Variants in GLT8D2 observed in about 807,000 individuals in gnomAD.
GLT8D2 encodes glycosyltransferase 8 domain-containing protein 2.
Under a neutral mutation model 44.5 loss-of-function variants are expected in GLT8D2, and 45 were observed. That is an observed-to-expected ratio of 1.01 (90% confidence interval 0.80 to 1.30). The LOEUF is 1.30. Among genes scored for constraint, GLT8D2 ranks in the 50% most tolerant of loss-of-function variants. The pLI is 0.00. For synonymous variants in GLT8D2, 156 were observed against 157.2 expected, an observed-to-expected ratio of 0.99 and a Z score of 0.06; for missense variants, 400 against 430.4, an observed-to-expected ratio of 0.93 and a Z score of 0.62.
In GLT8D2 at chr12:104,040,405, A is replaced by T. The variant is rs1593567289; in HGVS notation, c.-164+9490T>A. ...ATTAACTATACATCTCTTTGAAATA[A>T]AAAACAACAAATTGAAAAAAAAATG... is the stretch of plus-strand genomic sequence containing the variant. On this transcript the variant is annotated intron_variant, in intron 1 of 10. Transcript: ENST00000360814. 2.0e-5 allele frequency among the ~76,000 whole-genome samples: 3 copies of T among 152,314 alleles called. No individual in the cohort carries two copies. In the South Asian group the frequency reaches 6.2e-4, roughly 32 times the overall value.
chr12:104,007,062 A>G (rs1013409582), intron 4 of GLT8D2, among the ~76,000 whole-genome samples: 5 of 152,214 alleles, frequency 3.3e-5, no homozygotes, highest in African/African-American at 9.6e-5. Flanking sequence ...TGACTAATGC[A>G]CAAGATAAAT....
At chr12:104,005,596 A>C (rs1234624953) in intron 4 of GLT8D2, among the ~76,000 whole-genome samples, 1 of 152,266 alleles carries the variant, frequency 6.6e-6, no homozygotes, top group Non-Finnish European at 1.5e-5. Context: ...ACTTCTCAAA[A>C]GAAGACATTT....
chr12:103,992,755 G>T (rs1872918755), intron 10 of GLT8D2, among the ~76,000 whole-genome samples: 1 of 152,066 alleles, frequency 6.6e-6, no homozygotes, highest in Non-Finnish European at 1.5e-5. Context: ...GCCTCCCAAA[G>T]TGCTGGGATT....
chr12:104,053,310 G>A (rs1881880974), upstream of GLT8D2, among the ~76,000 whole-genome samples: 1 of 152,216 alleles, frequency 6.6e-6, no homozygotes, highest in South Asian at 2.1e-4. Context: ...CATGCTCCAA[G>A]GATGCGATAG....
At chr12:104,005,846 C>G (rs1287844901) in intron 4 of GLT8D2, among the ~76,000 whole-genome samples, 1 of 152,170 alleles carries the variant, frequency 6.6e-6, no homozygotes, top group Non-Finnish European at 1.5e-5. Context: ...GGATCTAGAA[C>G]TAGAAATACC....
At position 104,016,882 on chromosome 12, in the gene GLT8D2, G is replaced by GAAAGAAAGA. The variant is rs557603937; in HGVS notation, c.20-1778_20-1777insTCTTTCTTT. On this transcript the variant is annotated intron_variant, in intron 3 of 10. Transcript: ENST00000360814. ...AGAAAGAAAGAAAGAAAGAAAGAAA[G>GAAAGAAAGA]AAAAATAAAGAGAGAAAGAAAGAAA... 2.1e-5 allele frequency among the ~76,000 whole-genome samples: 3 copies of GAAAGAAAGA among 140,244 alleles called. No individual in the cohort carries two copies. The South Asian group carries it at 6.7e-4, about 31-fold the overall frequency. 92.0% of individuals were successfully genotyped at this position (140,244 alleles called of 152,430 possible).
intron 1 of GLT8D2, among the ~76,000 whole-genome samples, chr12:104,021,924 GAAGAAGAAGAAGAAGAAGAAGAAGAA>G (rs1566202344): frequency 0.025 from 671 of 27,274 alleles, 25 homozygotes; most frequent in Middle Eastern, 0.086. Flanking sequence ...AGAAGAAGAA[GAAGAAGAAGAAGAAGAAGAAGAAGAA>G]GAAGAGGAAG....
intron 3 of GLT8D2, among the ~76,000 whole-genome samples, chr12:104,018,883 C>T (rs1418712743): frequency 1.3e-5 from 2 of 152,310 alleles, no homozygotes; most frequent in Middle Eastern, 6.8e-3. Flanking sequence ...AATTAGGTTA[C>T]TATGTTTCTC....
chr12:104,043,587 C>A (rs921411471), intron 1 of GLT8D2, among the ~76,000 whole-genome samples: 2 of 152,138 alleles, frequency 1.3e-5, no homozygotes, highest in Non-Finnish European at 2.9e-5. Context: ...CTGCCTCAGC[C>A]TCCCTAGTAG....
intron 1 of GLT8D2, among the ~76,000 whole-genome samples, chr12:104,049,046 A>T (rs952077492): frequency 6.6e-6 from 1 of 152,212 alleles, no homozygotes; most frequent in African/African-American, 2.4e-5. Context: ...GGAGAACTGG[A>T]ATTCCATTAT....
rs542500668 is a variant in GLT8D2 at position 104,029,006 on chromosome 12, C to A, written c.-163-7515G>T. 3.3e-5 allele frequency among the ~76,000 whole-genome samples: 5 copies of A among 152,036 alleles called. No individual in the cohort carries two copies. In the East Asian group the frequency reaches 7.7e-4, roughly 24 times the overall value. ...GTAACAATGAAATGGAAAGTGTGAA[C>A]CTTGGCTGGGCTCAGTGGCTCACGC... On this transcript the variant is annotated intron_variant, in intron 1 of 10. Coordinates refer to ENST00000360814, the MANE Select transcript of GLT8D2 (RefSeq NM_001384711.1).
At position 103,989,400 on chromosome 12, in the gene GLT8D2, G is replaced by T. The variant is rs1872426867; in HGVS notation, c.*8C>A. On this transcript the variant is annotated 3_prime_UTR_variant, in exon 11 of 11. Transcript: ENST00000360814. ...CTATACAGGGAATATTTTAAGGGTA[G>T]AGTTATATCAGCTATGGTGATTGAG... is the stretch of plus-strand genomic sequence containing the variant. 3 of 1,597,562 alleles carry T rather than the reference G, an allele frequency of 1.9e-6. No homozygotes were observed. The highest frequency in any genetic ancestry group is 1.7e-6 in the Non-Finnish European group (2 of 1,172,360).
intron 1 of GLT8D2, among the ~76,000 whole-genome samples, chr12:104,035,250 C>T (rs548460411): frequency 1.2e-4 from 18 of 152,298 alleles, no homozygotes; most frequent in African/African-American, 3.4e-4. Context: ...AAAACCAGAG[C>T]GCCTCTTCTC....
At chr12:104,023,630 T>C (rs1230559347) in intron 1 of GLT8D2, among the ~76,000 whole-genome samples, 1 of 152,138 alleles carries the variant, frequency 6.6e-6, no homozygotes, top group African/African-American at 2.4e-5. Context: ...CCACCACAAA[T>C]GGGGTAGAGA....
At chr12:104,024,440 AG>A (rs1878300711) in intron 1 of GLT8D2, among the ~76,000 whole-genome samples, 1 of 152,144 alleles carries the variant, frequency 6.6e-6, no homozygotes, top group East Asian at 1.9e-4. Context: ...CTGAAAAAAA[AG>A]GAAAAGAAAA....
upstream of GLT8D2, among the ~76,000 whole-genome samples, chr12:104,054,577 T>C (rs1188537906): frequency 6.6e-6 from 1 of 151,884 alleles, no homozygotes; most frequent in Non-Finnish European, 1.5e-5. Flanking sequence ...CCTCCCCATG[T>C]TCATTGCTCT....
At chr12:104,032,513 C>T (rs1482093434) in intron 1 of GLT8D2, among the ~76,000 whole-genome samples, 2 of 112,080 alleles carry the variant, frequency 1.8e-5, no homozygotes, top group African/African-American at 7.6e-5. Flanking sequence ...CCAGAATAGA[C>T]ATTTCTCTAA....
chr12:104,025,067 C>CAA (rs34885430), intron 1 of GLT8D2, among the ~76,000 whole-genome samples: 93 of 67,028 alleles, frequency 1.4e-3, no homozygotes, highest in Middle Eastern at 8.5e-3. Flanking sequence ...GAGACTTTGT[C>CAA]AAAAAAAAAA....
At chr12:104,008,214 C>T (rs2722206) in intron 4 of GLT8D2, among the ~76,000 whole-genome samples, 1 of 152,214 alleles carries the variant, frequency 6.6e-6, no homozygotes, top group African/African-American at 2.4e-5. Context: ...GTTGGAACTT[C>T]CTAGAGACTT....
Sources: gnomAD v4.1 joint callset for allele counts (sites outside exome capture counted in the v4.1 genomes callset) on GRCh38, gnomAD v4.1.1 for gene constraint, MANE v1.5 for transcripts, NCBI Gene and HGNC (gene_info 2026-07-23, HGNC 2026-07-21) for gene names.